The following STK38 variants were observed in gnomAD, a reference collection of about 807,000 sequenced individuals.
STK38 encodes serine/threonine-protein kinase 38.
A neutral mutation model predicts 59.0 loss-of-function variants in STK38; 26 were observed. The observed-to-expected ratio is 0.44, with a 90% CI of 0.32 to 0.61. The LOEUF (loss-of-function observed/expected upper bound fraction) is 0.61. Among genes scored for constraint, STK38 ranks in the 20% least tolerant of loss-of-function variants. STK38 has a pLI of 0.04. For missense variants in STK38, 433 were observed against 566.0 expected (o/e 0.76, Z 2.38); for synonymous variants, 175 against 176.6 (o/e 0.99, Z 0.07).
chr6:36,531,669 G>C (rs1053713261), intron 2 of STK38, among the ~76,000 whole-genome samples: 4 of 152,168 alleles, frequency 2.6e-5, no homozygotes, highest in Admixed American at 2.6e-4. Context: ...AGACCATCAG[G>C]TGGCATTCTG....
At chr6:36,534,600 C>T (rs1777742071) in intron 2 of STK38, among the ~76,000 whole-genome samples, 1 of 152,026 alleles carries the variant, frequency 6.6e-6, no homozygotes, top group Non-Finnish European at 1.5e-5. Context: ...CTGCAGTGAG[C>T]CATGATTGTG....
chr6:36,514,718 A>G (rs961462849), intron 7 of STK38, among the ~76,000 whole-genome samples: 22 of 151,602 alleles, frequency 1.5e-4, no homozygotes, highest in African/African-American at 5.1e-4. Flanking sequence ...GTGGTGGTGC[A>G]TGCCTGTAAT....
At chr6:36,519,333 G>A (rs1335215021) in intron 5 of STK38, among the ~76,000 whole-genome samples, 3 of 152,136 alleles carry the variant, frequency 2.0e-5, no homozygotes, top group Non-Finnish European at 1.5e-5. Context: ...TTGGGAAACA[G>A]TAACATTGCT....
At chr6:36,515,518 CCACACACACACACACACACACA>C (rs66494457) in intron 6 of STK38, 26 bp from the exon 7 acceptor site, 3 of 1,538,524 alleles carry the variant, frequency 1.9e-6, no homozygotes, top group East Asian at 2.3e-5. Flanking sequence ...TACAAAGCCA[CCACACACACACACACACACACA>C]CACACACACA....
chr6:36,525,401 T>TCCTC (rs1271236887), intron 3 of STK38, among the ~76,000 whole-genome samples, 190 bp downstream of exon 3: 3 of 152,152 alleles, frequency 2.0e-5, no homozygotes, highest in Non-Finnish European at 4.4e-5. Context: ...AGAGAAGCCT[T>TCCTC]CCTCTCCTAG....
rs111846405 is a variant in STK38, at chr6:36,524,328, C to T, written c.306+13G>A. ...CAATATTTTTCTACTTGACAAGTAGCTGTGATTTTTACCTCACCAAATGCT... is the reference window on the plus strand; with the variant it reads ...CAATATTTTTCTACTTGACAAGTAGTTGTGATTTTTACCTCACCAAATGCT... On this transcript the variant is annotated intron_variant, in intron 4 of 13. Transcript: ENST00000229812. The T allele has an allele frequency of 4.4e-6, 7 of 1,595,640 alleles. No individual in the cohort carries two copies. Among genetic ancestry groups the T allele is most frequent in the Non-Finnish European group, 6.0e-6 (7 of 1,174,948 alleles).
At chr6:36,543,455 T>G (rs577266266) in intron 1 of STK38, among the ~76,000 whole-genome samples, 1 of 152,056 alleles carries the variant, frequency 6.6e-6, no homozygotes, top group South Asian at 2.1e-4. Context: ...TGAGTAAAAA[T>G]TAGGAGAGGC....
In STK38 at chr6:36,527,204, A is replaced by AT. The variant is rs1334596680; in HGVS notation, c.132-1563_132-1562insA. Among the ~76,000 whole-genome samples the AT allele has an allele frequency of 4.7e-3, 628 of 132,322 alleles. 18 individuals are homozygous for AT. Among genetic ancestry groups the AT allele is most frequent in the African/African-American group, 0.014 (469 of 33,316 alleles). 86.8% of individuals were successfully genotyped at this position (132,322 alleles called of 152,430 possible). A position where few individuals can be genotyped will look rare whatever the true frequency, so the allele number is the denominator to read the frequency against. On this transcript the variant is annotated intron_variant, in intron 2 of 13. Coordinates refer to ENST00000229812, the MANE Select transcript of STK38 (RefSeq NM_007271.4). Reference sequence around the variant, plus strand: ...AAGACTCCGTCTCAAAAAAAAAAAAAAAAATATATGTATATATATATATAT... The same window carrying AT: ...AAGACTCCGTCTCAAAAAAAAAAAAATAAAATATATGTATATATATATATAT...
intron 6 of STK38, among the ~76,000 whole-genome samples, 156 bp from the exon 7 acceptor site, chr6:36,515,648 C>A (rs564284789): frequency 3.9e-4 from 60 of 152,182 alleles, no homozygotes; most frequent in African/African-American, 1.4e-3. Flanking sequence ...CAGAGATAGA[C>A]CCACATGGCC....
chr6:36,527,207 A>AAAAAAAAAAAAAAAATATAT (rs60162863), intron 2 of STK38, among the ~76,000 whole-genome samples: 4 of 119,354 alleles, frequency 3.4e-5, no homozygotes, highest in African/African-American at 1.4e-4. Context: ...AAAAAAAAAA[A>AAAAAAAAAAAAAAAATATAT]ATATATGTAT....
chr6:36,524,416 A>C lies in STK38; in HGVS notation c.231T>G (p.Leu77=). Reference sequence around the variant, plus strand: ...ATCCAAGTCTTGTTCTCTTCAAACGAAGAAACTCTGTTTCCTTCCGAGCAT... The same window carrying C: ...ATCCAAGTCTTGTTCTCTTCAAACGCAGAAACTCTGTTTCCTTCCGAGCAT... ...SAHARKETEF[L]RLKRTRLGLE... is the part of the protein sequence containing the mutation. Residue 77 remains leucine, a synonymous_variant, in exon 4 of 14, where the codon CTT becomes CTG. Transcript: ENST00000229812. 6.2e-7 allele frequency: 1 copy of C among 1,613,386 alleles called. No individual in the cohort carries two copies. Among genetic ancestry groups the C allele is most frequent in the Non-Finnish European group, 8.5e-7 (1 of 1,179,768 alleles).
At position 36,495,516 on chromosome 6, in the gene STK38, T is replaced by C; in HGVS notation, c.*268A>G. 2 of 332,380 alleles carry C rather than the reference T, an allele frequency of 6.0e-6. No individual in the cohort carries two copies. The highest frequency in any genetic ancestry group is 1.1e-5 in the Non-Finnish European group (2 of 177,414). 20.6% of individuals were successfully genotyped at this position (332,380 alleles called of 1,614,324 possible). A position where few individuals can be genotyped will look rare whatever the true frequency, so the allele number is the denominator to read the frequency against. ...GAACTTAGGAAAACTCAAGTTATTT[T>C]TAAAACACCTATCAAATTGGCTCAT... On this transcript the variant is annotated 3_prime_UTR_variant, in exon 14 of 14. Coordinates refer to ENST00000229812, the MANE Select transcript of STK38 (RefSeq NM_007271.4).
chr6:36,527,321 CAT>C (rs763209313), intron 2 of STK38, among the ~76,000 whole-genome samples: 3,232 of 89,602 alleles, frequency 0.036, 72 homozygotes, highest in Non-Finnish European at 0.046. Flanking sequence ...TATATACACA[CAT>C]ATATATACAC....
chr6:36,542,883 T>A (rs1304592880), intron 1 of STK38, among the ~76,000 whole-genome samples: 1 of 151,294 alleles, frequency 6.6e-6, no homozygotes, highest in Non-Finnish European at 1.5e-5. Flanking sequence ...GAGGCAGAGG[T>A]TGCAGTGAGC....
intron 7 of STK38, among the ~76,000 whole-genome samples, chr6:36,511,973 T>C (rs1269158983): frequency 6.6e-6 from 1 of 151,974 alleles, no homozygotes; most frequent in Non-Finnish European, 1.5e-5. Context: ...GCAGGAGAAT[T>C]GCTTGAAACT....
At chr6:36,526,978 A>G (rs1777529483) in intron 2 of STK38, among the ~76,000 whole-genome samples, 1 of 150,820 alleles carries the variant, frequency 6.6e-6, no homozygotes, top group Non-Finnish European at 1.5e-5. Flanking sequence ...TGGATCATAA[A>G]TTCAGGAGTT....
chr6:36,521,707 A>G (rs770204361), intron 5 of STK38, 27 bp downstream of exon 5: 1 of 1,534,760 alleles, frequency 6.5e-7, no homozygotes, highest in Non-Finnish European at 8.7e-7. Flanking sequence ...TTAATAAGCT[A>G]AAAGCACTGC....
intron 1 of STK38, among the ~76,000 whole-genome samples, chr6:36,542,335 A>G (rs754373476): frequency 2.3e-4 from 35 of 152,368 alleles, no homozygotes; most frequent in South Asian, 1.0e-3. Context: ...CTTAAAATAA[A>G]GGGAACAATA....
chr6:36,536,906 A>T (rs1211436442), intron 2 of STK38, among the ~76,000 whole-genome samples: 2 of 147,496 alleles, frequency 1.4e-5, no homozygotes, highest in African/African-American at 2.5e-5. Context: ...AATAACCATT[A>T]AAAAAAAAAT....
Sources: gnomAD v4.1 joint callset for allele counts (sites outside exome capture counted in the v4.1 genomes callset) on GRCh38, gnomAD v4.1.1 for gene constraint, MANE v1.5 for transcripts, NCBI Gene and HGNC (gene_info 2026-07-23, HGNC 2026-07-21) for gene names.